Variants in STARD13 observed in about 807,000 individuals in gnomAD.
The protein encoded by STARD13 is StAR related lipid transfer domain containing 13, also known as stAR-related lipid transfer protein 13.
Under a neutral mutation model 106.4 loss-of-function variants are expected in STARD13, and 62 were observed. The ratio of observed to expected loss-of-function variants is 0.58; its 90% CI spans 0.48 to 0.72. STARD13 has a LOEUF of 0.72. Ranked by LOEUF, STARD13 falls within the 30% of genes least tolerant of loss-of-function variation. The pLI is 0.00. For missense variants in STARD13, 1,387 were observed against 1,424.0 expected (o/e 0.97, Z 0.42); for synonymous variants, 565 against 553.0 (o/e 1.02, Z -0.31).
At chr13:33,464,361 A>G in the STARD13 span, among the ~76,000 whole-genome samples, 1 of 152,190 alleles carries the variant, frequency 6.6e-6, no homozygotes, top group Non-Finnish European at 1.5e-5. Context: ...ATTCTCACTT[A>G]TACAAGTCAA....
chr13:33,488,372 T>C, the STARD13 span, among the ~76,000 whole-genome samples: 1 of 152,206 alleles, frequency 6.6e-6, no homozygotes, highest in Non-Finnish European at 1.5e-5. Flanking sequence ...AACTCTACCC[T>C]TCCGATTTAG....
At chr13:33,435,201 T>C in the STARD13 span, among the ~76,000 whole-genome samples, 2 of 152,206 alleles carry the variant, frequency 1.3e-5, no homozygotes, top group African/African-American at 4.8e-5. Context: ...TACTCAAGGC[T>C]CTTCAGTAGA....
the STARD13 span, among the ~76,000 whole-genome samples, chr13:33,571,156 G>A: frequency 6.6e-6 from 1 of 152,144 alleles, no homozygotes; most frequent in African/African-American, 2.4e-5. Context: ...CTGAGGGGAA[G>A]ACATCTCCTG....
the STARD13 span, among the ~76,000 whole-genome samples, chr13:33,425,379 G>A: frequency 2.1e-4 from 32 of 152,138 alleles, no homozygotes; most frequent in Admixed American, 1.3e-3. Context: ...CCCATCCCAG[G>A]AGGGACCCCA....
intron 1 of STARD13, among the ~76,000 whole-genome samples, chr13:33,323,876 T>A (rs964222820): frequency 6.6e-6 from 1 of 152,300 alleles, no homozygotes; most frequent in East Asian, 1.9e-4. Context: ...TCACAGTCTC[T>A]ACTGAGGGAA....
chr13:33,309,813 C>A (rs1050317083), intron 1 of STARD13, among the ~76,000 whole-genome samples: 3 of 152,152 alleles, frequency 2.0e-5, no homozygotes, highest in African/African-American at 7.2e-5. Context: ...CAGAAAGAGT[C>A]TCTTCTGAGT....
At chr13:33,240,854 T>A (rs1199875683) in intron 1 of STARD13, among the ~76,000 whole-genome samples, 1 of 152,184 alleles carries the variant, frequency 6.6e-6, no homozygotes, top group Non-Finnish European at 1.5e-5. Flanking sequence ...TTTCTTAATT[T>A]CATTTTCAGA....
At chr13:33,127,649 G>T (rs556239136) in intron 5 of STARD13, 103 bp from the exon 6 acceptor site, 1 of 1,215,252 alleles carries the variant, frequency 8.2e-7, no homozygotes, top group Non-Finnish European at 1.1e-6. Context: ...GATAGCAGCC[G>T]AGCAAAGAAA....
intron 1 of STARD13, among the ~76,000 whole-genome samples, chr13:33,175,250 G>A (rs1353427026): frequency 6.6e-6 from 1 of 152,152 alleles, no homozygotes; most frequent in Non-Finnish European, 1.5e-5. Flanking sequence ...ATTTCTCAGG[G>A]AGGCTGCATG....
At chr13:33,584,510 C>T in the STARD13 span, among the ~76,000 whole-genome samples, 1 of 151,692 alleles carries the variant, frequency 6.6e-6, no homozygotes, top group African/African-American at 2.4e-5. Flanking sequence ...CAATCACCTC[C>T]CATCAGGCCC....
At chr13:33,668,097 G>A in the STARD13 span, among the ~76,000 whole-genome samples, 6 of 152,166 alleles carry the variant, frequency 3.9e-5, no homozygotes, top group African/African-American at 1.4e-4. Flanking sequence ...GGCTGCGCTG[G>A]AGTCTCTGAG....
At chr13:33,234,830 A>G (rs1351391553) in intron 1 of STARD13, among the ~76,000 whole-genome samples, 1 of 152,214 alleles carries the variant, frequency 6.6e-6, no homozygotes, top group Non-Finnish European at 1.5e-5. Flanking sequence ...ATTCATAACA[A>G]TGATGGCATA....
chr13:33,472,187 T>A, the STARD13 span, among the ~76,000 whole-genome samples: 1 of 152,070 alleles, frequency 6.6e-6, no homozygotes, highest in African/African-American at 2.4e-5. Flanking sequence ...AAAAATCTTT[T>A]TATTTTTAAT....
chr13:33,277,847 C>T (rs1188030443), intron 1 of STARD13: 1 of 152,054 alleles, frequency 6.6e-6, no homozygotes, highest in Non-Finnish European at 1.5e-5. Context: ...TTCTGCCTAC[C>T]CAAGATAGAA....
chr13:33,362,609 C>T, the STARD13 span, among the ~76,000 whole-genome samples: 6 of 152,116 alleles, frequency 3.9e-5, no homozygotes, highest in Admixed American at 1.3e-4. Flanking sequence ...TTGCTTGGCA[C>T]GTGGTGATCT....
chr13:33,493,594 C>T, the STARD13 span, among the ~76,000 whole-genome samples: 11 of 151,926 alleles, frequency 7.2e-5, no homozygotes, highest in Non-Finnish European at 1.6e-4. Context: ...AGAGAGAAAA[C>T]TGTGGGGGTG....
the STARD13 span, among the ~76,000 whole-genome samples, chr13:33,483,629 A>G: frequency 1.3e-5 from 2 of 152,224 alleles, no homozygotes; most frequent in Non-Finnish European, 2.9e-5. Flanking sequence ...ACCATTATTC[A>G]TCATGATTGC....
At position 33,246,087 on chromosome 13, in the gene STARD13, A is replaced by G. The variant is rs770358877; in HGVS notation, c.169+39383T>C. On this transcript the variant is annotated intron_variant, in intron 1 of 13. Transcript: ENST00000336934. ...AGAAACATTGTAATGAATAAGCTCA[A>G]GCTTGGCAATTTTTTAATTCATTTT... 3.3e-5 allele frequency among the ~76,000 whole-genome samples: 5 copies of G among 152,240 alleles called. 1 individual carries two copies. Among genetic ancestry groups the G allele is most frequent in the Non-Finnish European group, 7.3e-5 (5 of 68,048 alleles).
chr13:33,294,932 T>G (rs995304731), intron 1 of STARD13, among the ~76,000 whole-genome samples: 4 of 152,144 alleles, frequency 2.6e-5, no homozygotes, highest in African/African-American at 9.7e-5. Flanking sequence ...ATATTTGGGA[T>G]TACCCAGTGA....
Sources: allele counts gnomAD v4.1 joint callset (sites outside exome capture counted in the v4.1 genomes callset), GRCh38; gene constraint gnomAD v4.1.1; transcripts MANE v1.5; gene names NCBI Gene and HGNC (gene_info 2026-07-23, HGNC 2026-07-21).